BMP2K: variants seen among roughly 807,000 people sequenced by gnomAD.
BMP2K encodes BMP-2-inducible protein kinase.
BMP2K carries 74 observed loss-of-function variants against 116.0 expected under a neutral mutation model. The observed-to-expected ratio is 0.64, with a 90% CI of 0.53 to 0.77. The LOEUF is 0.77. Among genes scored for constraint, BMP2K ranks in the 30% least tolerant of loss-of-function variants. The pLI, the probability that BMP2K is intolerant of heterozygous loss-of-function variation, is 0.00. For missense variants in BMP2K, 1,365 were observed against 1,403.6 expected, an observed-to-expected ratio of 0.97 and a Z score of 0.44; for synonymous variants, 486 against 502.5, an observed-to-expected ratio of 0.97 and a Z score of 0.44.
intron 11 of BMP2K, 69 bp from the exon 12 acceptor site, chr4:78,871,781 C>A: frequency 1.0e-6 from 1 of 978,476 alleles, no homozygotes; most frequent in Non-Finnish European, 1.6e-6. Context: ...ATGGTAAGAT[C>A]AATACTTTAA....
intron 7 of BMP2K, among the ~76,000 whole-genome samples, chr4:78,853,570 T>G (rs1325128011): frequency 6.6e-6 from 1 of 152,162 alleles, no homozygotes; most frequent in Non-Finnish European, 1.5e-5. Context: ...AAGAATGTAC[T>G]GAAAGCTGGC....
chr4:78,881,195 T>C (rs1732864494), intron 14 of BMP2K, among the ~76,000 whole-genome samples: 1 of 152,228 alleles, frequency 6.6e-6, no homozygotes, highest in Non-Finnish European at 1.5e-5. Context: ...ACTCAATAAA[T>C]AAATGCCACT....
intron 1 of BMP2K, among the ~76,000 whole-genome samples, chr4:78,781,841 G>A (rs752069182): frequency 1.1e-4 from 17 of 152,098 alleles, no homozygotes; most frequent in Non-Finnish European, 2.5e-4. Context: ...CTTGAGTACC[G>A]AGTACCACTG....
chr4:78,905,389 G>A (rs1240165651), intron 15 of BMP2K, among the ~76,000 whole-genome samples: 1 of 151,788 alleles, frequency 6.6e-6, no homozygotes, highest in East Asian at 1.9e-4. Context: ...ACCATATTTA[G>A]TTAAAGAAAA....
chr4:78,791,185 T>G (rs988010941), intron 1 of BMP2K, among the ~76,000 whole-genome samples: 5 of 152,182 alleles, frequency 3.3e-5, no homozygotes, highest in African/African-American at 1.2e-4. Flanking sequence ...TTTCCTTCCT[T>G]CATTAATTGA....
chr4:78,895,919 G>A (rs1487482066), intron 15 of BMP2K, among the ~76,000 whole-genome samples: 1 of 151,746 alleles, frequency 6.6e-6, no homozygotes, highest in African/African-American at 2.4e-5. Context: ...AAGCTACCTC[G>A]CCCAGCTAAT....
intron 2 of BMP2K, among the ~76,000 whole-genome samples, chr4:78,829,219 A>G (rs928740190): frequency 1.3e-5 from 2 of 152,200 alleles, no homozygotes; most frequent in Non-Finnish European, 2.9e-5. Context: ...TCACTGCTTT[A>G]TCAACCATGT....
intron 2 of BMP2K, among the ~76,000 whole-genome samples, chr4:78,827,747 C>T (rs1422380371): frequency 6.6e-6 from 1 of 152,010 alleles, no homozygotes; most frequent in Admixed American, 6.6e-5. Context: ...CTGTTCAGTT[C>T]TGCCATTACT....
In BMP2K at chr4:78,914,903, CTTG is replaced by C. The variant is rs888988883; in HGVS notation, c.*2874_*2876del. ...TTGTTTCTTAACAGCTTTAATAATG[CTTG>C]TTGATTTTGAATAATCCTTTAAAAA... On this transcript the variant is annotated 3_prime_UTR_variant, in exon 16 of 16. Transcript: ENST00000502613. The C allele has an allele frequency of 6.6e-6, 1 of 151,762 alleles. No homozygotes were observed. Among genetic ancestry groups the C allele is most frequent in the African/African-American group, 2.4e-5 (1 of 41,356 alleles). The allele number at this position is 151,762 out of a possible 1,614,324, so 9.4% of individuals were successfully genotyped here. A position where few individuals can be genotyped will look rare whatever the true frequency, so the allele number is the denominator to read the frequency against.
intron 15 of BMP2K, among the ~76,000 whole-genome samples, chr4:78,903,075 T>C (rs1361893887): frequency 1.3e-5 from 2 of 152,082 alleles, no homozygotes; most frequent in Non-Finnish European, 2.9e-5. Context: ...GGCTATGATG[T>C]CTGAAATTTT....
intron 5 of BMP2K, 46 bp from the exon 6 acceptor site, chr4:78,847,140 TTA>T (rs146999088): frequency 0.015 from 13,350 of 914,168 alleles, no homozygotes; most frequent in Admixed American, 0.026. Context: ...TGTCTTTTTT[TTA>T]TATATATATA....
chr4:78,887,595 T>C (rs1026646631), intron 15 of BMP2K, among the ~76,000 whole-genome samples: 7 of 152,194 alleles, frequency 4.6e-5, no homozygotes, highest in Non-Finnish European at 1.5e-5. Flanking sequence ...TGCTTAAAAA[T>C]TTGATATTTT....
chr4:78,897,529 C>G (rs1447009148), intron 15 of BMP2K, among the ~76,000 whole-genome samples: 1 of 152,050 alleles, frequency 6.6e-6, no homozygotes, highest in South Asian at 2.1e-4. Flanking sequence ...TATATTAGCA[C>G]AGCTATTTGA....
At position 78,911,575 on chromosome 4, in the gene BMP2K, C is replaced by G; in HGVS notation, c.3028C>G (p.Pro1010Ala). Residue 1010 changes from proline to alanine, a missense_variant, in exon 16 of 16, where the codon CCT becomes GCT. Transcript: ENST00000502613. ...AACTAGCACAAAGAAGACTTTGAAG[C>G]CTACCTATCGCACTCCAGAGAGGGC... is the stretch of plus-strand genomic sequence containing the variant. Reference protein sequence around the residue: ...TPTSTKKTLKPTYRTPERARR... With the variant: ...TPTSTKKTLKATYRTPERARR... The G allele has an allele frequency of 6.2e-7, 1 of 1,613,990 alleles. No individual in the cohort carries two copies. Among genetic ancestry groups the G allele is most frequent in the South Asian group, 1.1e-5 (1 of 91,078 alleles).
intron 15 of BMP2K, among the ~76,000 whole-genome samples, chr4:78,894,620 A>C (rs1264189585): frequency 6.6e-6 from 1 of 152,188 alleles, no homozygotes; most frequent in Non-Finnish European, 1.5e-5. Context: ...AGACCATTAA[A>C]ATTTTCTCCA....
At chr4:78,800,754 AAACTC>A (rs1453761592) in intron 1 of BMP2K, among the ~76,000 whole-genome samples, 1 of 152,200 alleles carries the variant, frequency 6.6e-6, no homozygotes, top group South Asian at 2.1e-4. Flanking sequence ...AAAAAATGGC[AAACTC>A]AACTCATGTT....
intron 3 of BMP2K, among the ~76,000 whole-genome samples, chr4:78,836,261 C>T (rs1358758183): frequency 6.6e-6 from 1 of 151,670 alleles, no homozygotes; most frequent in East Asian, 1.9e-4. Flanking sequence ...ACTAAAAATA[C>T]AAAAAATTAG....
At chr4:78,789,987 T>C (rs899182791) in intron 1 of BMP2K, among the ~76,000 whole-genome samples, 3 of 152,220 alleles carry the variant, frequency 2.0e-5, no homozygotes, top group Non-Finnish European at 4.4e-5. Context: ...GATAAATTTA[T>C]GTGGTGTTCA....
chr4:78,822,936 C>T (rs1241651880), intron 1 of BMP2K, among the ~76,000 whole-genome samples: 1 of 152,074 alleles, frequency 6.6e-6, no homozygotes, highest in African/African-American at 2.4e-5. Context: ...ACTATAGTGT[C>T]CTAACTAGTT....
Sources: allele counts gnomAD v4.1 joint callset (sites outside exome capture counted in the v4.1 genomes callset), GRCh38; gene constraint gnomAD v4.1.1; transcripts MANE v1.5; gene names NCBI Gene and HGNC (gene_info 2026-07-23, HGNC 2026-07-21).